Variants in LCN10 observed in about 807,000 individuals in gnomAD.
LCN10 encodes the protein lipocalin 10.
Under a neutral mutation model 25.1 loss-of-function variants are expected in LCN10, and 18 were observed. The observed-to-expected ratio is 0.72, with a 90% confidence interval of 0.50 to 1.06. LCN10 has a LOEUF of 1.06. Among genes scored for constraint, LCN10 ranks in the 50% least tolerant of loss-of-function variants. The pLI, the probability that LCN10 is intolerant of heterozygous loss-of-function variation, is 0.00. For synonymous variants in LCN10, 130 were observed against 116.7 expected (o/e 1.11, Z -0.73); for missense variants, 257 against 258.9 (o/e 0.99, Z 0.05).
At chr9:136,741,407 C>T in intron 2 of LCN10, 46 bp from the exon 3 acceptor site, 2 of 1,416,170 alleles carry the variant, frequency 1.4e-6, no homozygotes, top group Non-Finnish European at 2.0e-6. Context: ...GGAACCCCTC[C>T]TCCCGCCTGC....
rs11145855 is a variant in LCN10, at chr9:136,739,074, G to T, written c.*451C>A. The T allele has an allele frequency of 1.6e-3, 328 of 203,938 alleles. No individual in the cohort carries two copies. Among genetic ancestry groups the T allele is most frequent in the African/African-American group, 7.3e-3 (315 of 42,972 alleles). The allele number at this position is 203,938 out of a possible 1,614,324, so 12.6% of individuals were successfully genotyped here. On this transcript the variant is annotated 3_prime_UTR_variant, in exon 6 of 6. Coordinates refer to ENST00000497771, the MANE Select transcript of LCN10 (RefSeq NM_001001712.3). The surrounding 1 kb of genome is among the most constrained non-coding windows in gnomAD (Gnocchi z 6.1). ...ATTCTGTTCCCTAACGCAGCCGCAG[G>T]GGCCAGCACGCTGCCTGGCACGTCA...
chr9:136,741,108 C>T, intron 3 of LCN10, 144 bp downstream of exon 3: 3 of 987,098 alleles, frequency 3.0e-6, no homozygotes, highest in East Asian at 5.2e-5. Flanking sequence ...CCAGGCCGCC[C>T]AGCACATGAC....
In LCN10 at chr9:136,740,234, G is replaced by T. The variant is rs1846904075; in HGVS notation, c.476-186C>A. ...CCCACTTACGAGGCAGCCAGGCTCG[G>T]GAAGCCAGGGTCACCACGCTGTCAC... is the stretch of plus-strand genomic sequence containing the variant. On this transcript the variant is annotated intron_variant, in intron 4 of 5. Transcript: ENST00000497771. This position sits in a 1 kb window ranked among gnomAD's most constrained non-coding sequence, Gnocchi z 5.3. 1.6e-6 allele frequency: 1 copy of T among 610,640 alleles called. No individual in the cohort carries two copies. Among genetic ancestry groups the T allele is most frequent in the East Asian group, 2.8e-5 (1 of 35,528 alleles). The allele number at this position is 610,640 out of a possible 1,614,324, so 37.8% of individuals were successfully genotyped here. A position where few individuals can be genotyped will look rare whatever the true frequency, so the allele number is the denominator to read the frequency against.
chr9:136,741,565 G>T, intron 2 of LCN10: 1 of 606,588 alleles, frequency 1.6e-6, no homozygotes, highest in Non-Finnish European at 2.9e-6. Context: ...TTCCAATTCG[G>T]ACTGGGGCCT....
chr9:136,741,449 C>A, intron 2 of LCN10, 88 bp from the exon 3 acceptor site: 1 of 1,056,134 alleles, frequency 9.5e-7, no homozygotes, highest in Non-Finnish European at 1.4e-6. Context: ...ACGTCTCGGT[C>A]CCGCCCCTGC....
intron 3 of LCN10, 40 bp downstream of exon 3, chr9:136,741,212 A>T: frequency 1.3e-6 from 2 of 1,559,514 alleles, no homozygotes; most frequent in East Asian, 4.5e-5. Context: ...GGTCAGAGGC[A>T]TATCACGCAG....
In LCN10 at chr9:136,740,392, G is replaced by A. The variant is rs1482280723; in HGVS notation, c.476-344C>T. The A allele has an allele frequency of 2.0e-5, 9 of 439,972 alleles. No homozygotes were observed. Among genetic ancestry groups the A allele is most frequent in the East Asian group, 4.3e-5 (1 of 23,402 alleles). The allele number at this position is 439,972 out of a possible 1,614,324, so 27.3% of individuals were successfully genotyped here. Reference sequence around the variant, plus strand: ...CACCTCCCCTCTACCCGTTCCAACCGGGAGGGCCACTCCTTTCCGTGTACC... The same window carrying A: ...CACCTCCCCTCTACCCGTTCCAACCAGGAGGGCCACTCCTTTCCGTGTACC... On this transcript the variant is annotated intron_variant, in intron 4 of 5. Coordinates refer to ENST00000497771, the MANE Select transcript of LCN10 (RefSeq NM_001001712.3). The surrounding 1 kb of genome is among the most constrained non-coding windows in gnomAD (Gnocchi z 5.3).
At chr9:136,742,354 C>T (rs1275869949) in intron 1 of LCN10, 4 of 409,866 alleles carry the variant, frequency 9.8e-6, no homozygotes, top group Non-Finnish European at 8.8e-6. Flanking sequence ...CCCTTCCTGC[C>T]GGCCCCCGGC....
Position 136,740,739 on chromosome 9 carries a change from C to T in LCN10, c.475+97G>A, listed in dbSNP as rs1846913255. The T allele has an allele frequency of 5.4e-6, 5 of 919,396 alleles. No homozygotes were observed. Among genetic ancestry groups the T allele is most frequent in the South Asian group, 3.2e-5 (2 of 62,826 alleles). The allele number at this position is 919,396 out of a possible 1,614,324, so 57.0% of individuals were successfully genotyped here. Reference sequence around the variant, plus strand: ...CGCCCCAACCCCCACTCTCCCTGCCCGCCTCACCTCCTGCCCGGCCCCCTG... The same window carrying T: ...CGCCCCAACCCCCACTCTCCCTGCCTGCCTCACCTCCTGCCCGGCCCCCTG... On this transcript the variant is annotated intron_variant, in intron 4 of 5. Coordinates refer to ENST00000497771, the MANE Select transcript of LCN10 (RefSeq NM_001001712.3). This position sits in a 1 kb window ranked among gnomAD's most constrained non-coding sequence, Gnocchi z 5.3.
At chr9:136,742,571 C>A in intron 1 of LCN10, 1 of 603,784 alleles carries the variant, frequency 1.7e-6, no homozygotes. Context: ...CCCTGACCCC[C>A]CTGGGCCCCC....
Position 136,739,641 on chromosome 9 carries a change from G to A in LCN10, c.575-88C>T. ...ACACGTCTCCCCCGGCCGCTCCCTG[G>A]TTCCATGCGTGCTCGTCTTGGGCAC... On this transcript the variant is annotated intron_variant, in intron 5 of 5. Transcript: ENST00000497771. This position sits in a 1 kb window ranked among gnomAD's most constrained non-coding sequence, Gnocchi z 6.1. The A allele has an allele frequency of 7.9e-7, 1 of 1,263,214 alleles. No homozygotes were observed. Among genetic ancestry groups the A allele is most frequent in the South Asian group, 1.3e-5 (1 of 78,156 alleles). 78.3% of individuals were successfully genotyped at this position (1,263,214 alleles called of 1,614,324 possible).
chr9:136,740,391 C>G lies in LCN10; in HGVS notation c.476-343G>C, dbSNP rs1039694061. The G allele has an allele frequency of 2.3e-6, 1 of 441,828 alleles. No homozygotes were observed. Among genetic ancestry groups the G allele is most frequent in the African/African-American group, 2.0e-5 (1 of 50,614 alleles). The allele number at this position is 441,828 out of a possible 1,614,324, so 27.4% of individuals were successfully genotyped here. A position where few individuals can be genotyped will look rare whatever the true frequency, so the allele number is the denominator to read the frequency against. ...CCACCTCCCCTCTACCCGTTCCAAC[C>G]GGGAGGGCCACTCCTTTCCGTGTAC... is the stretch of plus-strand genomic sequence containing the variant. On this transcript the variant is annotated intron_variant, in intron 4 of 5. Coordinates refer to ENST00000497771, the MANE Select transcript of LCN10 (RefSeq NM_001001712.3). This position sits in a 1 kb window ranked among gnomAD's most constrained non-coding sequence, Gnocchi z 5.3.
At chr9:136,742,144 C>T in intron 1 of LCN10, 124 bp from the exon 2 acceptor site, 1 of 1,247,594 alleles carries the variant, frequency 8.0e-7, no homozygotes, top group South Asian at 1.5e-5. Context: ...CCCAGCTCCG[C>T]CCAGGTGCCG....
rs200544154 is a variant in LCN10, at chr9:136,739,911, G to T, written c.574+39C>A. The T allele has an allele frequency of 7.1e-3, 10,380 of 1,465,900 alleles. 43 individuals are homozygous for T. Among genetic ancestry groups the T allele is most frequent in the Non-Finnish European group, 9.0e-3 (9,604 of 1,066,464 alleles). The allele number at this position is 1,465,900 out of a possible 1,614,324, so 90.8% of individuals were successfully genotyped here. ...ATCAGCTCCCCAATGGGACGGGCAG[G>T]TAGGGCCAGGAGGGCAAAGGGCTGA... On this transcript the variant is annotated intron_variant, in intron 5 of 5. Transcript: ENST00000497771. The surrounding 1 kb of genome is among the most constrained non-coding windows in gnomAD (Gnocchi z 6.1).
Position 136,738,350 on chromosome 9 carries a change from C to T in LCN10, c.*1175G>A, listed in dbSNP as rs1846859100. On this transcript the variant is annotated 3_prime_UTR_variant, in exon 6 of 6. Transcript: ENST00000497771. ...TGGCCAAATAGAGATGTTCAATAAG[C>T]TTCAGGAGGAGTCATGAATATTCAT... 6.6e-6 allele frequency: 1 copy of T among 152,180 alleles called. No homozygotes were observed. Among genetic ancestry groups the T allele is most frequent in the Admixed American group, 6.6e-5 (1 of 15,262 alleles). The allele number at this position is 152,180 out of a possible 1,614,324, so 9.4% of individuals were successfully genotyped here.
intron 1 of LCN10, 108 bp from the exon 2 acceptor site, chr9:136,742,128 C>G: frequency 7.1e-7 from 1 of 1,402,988 alleles, no homozygotes; most frequent in Non-Finnish European, 9.6e-7. Context: ...TTCTGTGAGC[C>G]GGAGTCCCAG....
In LCN10 at chr9:136,741,871, G is replaced by C; in HGVS notation, c.257+10C>G. ...GGGAGACCCTTGCCTGGGGGGCGCT[G>C]CCCACTCACCGTCTGAAGGCGAGGA... On this transcript the variant is annotated intron_variant, in intron 2 of 5. Transcript: ENST00000497771. 1 of 1,599,088 alleles carries C rather than the reference G, an allele frequency of 6.3e-7. No homozygotes were observed. Among genetic ancestry groups the C allele is most frequent in the Non-Finnish European group, 8.5e-7 (1 of 1,173,880 alleles).
At chr9:136,741,119 G>C in intron 3 of LCN10, 133 bp downstream of exon 3, 2 of 1,003,750 alleles carry the variant, frequency 2.0e-6, no homozygotes, top group East Asian at 2.6e-5. Context: ...AGCACATGAC[G>C]TGTGGGCTCT....
intron 3 of LCN10, 134 bp from the exon 4 acceptor site, chr9:136,741,077 C>A (rs1846922554): frequency 1.0e-6 from 1 of 984,424 alleles, no homozygotes; most frequent in African/African-American, 1.6e-5. Context: ...TGAGTGCCCT[C>A]CCGGGGCCTC....
Sources: gnomAD v4.1 joint callset for allele counts on GRCh38, gnomAD v4.1.1 for gene constraint, Gnocchi (gnomAD v3.1) non-coding constraint, MANE v1.5 for transcripts, NCBI Gene and HGNC (gene_info 2026-07-23, HGNC 2026-07-21) for gene names.